The following C10orf90 variants were observed in gnomAD, a reference collection of about 807,000 sequenced individuals.
C10orf90 encodes chromosome 10 open reading frame 90, also known as (E2-independent) E3 ubiquitin-conjugating enzyme FATS.
Under a neutral mutation model 62.5 loss-of-function variants are expected in C10orf90, and 56 were observed. The observed-to-expected ratio is 0.90, with a 90% CI of 0.72 to 1.12. The LOEUF (loss-of-function observed/expected upper bound fraction) is 1.12, where lower values mean the gene tolerates loss of function less well. Among genes scored for constraint, C10orf90 ranks in the 50% most tolerant of loss-of-function variants. C10orf90 has a pLI of 0.00. For synonymous variants in C10orf90, 386 were observed against 340.4 expected (o/e 1.13, Z -1.47); for missense variants, 970 against 880.4 (o/e 1.10, Z -1.29).
chr10:126,470,087 G>A, intron 4 of C10orf90: 1 of 452,134 alleles, frequency 2.2e-6, no homozygotes, highest in African/African-American at 2.0e-5. Context: ...GTTGCATACT[G>A]CAGGGGGGAA....
At chr10:126,561,104 C>A (rs1864890419) in intron 2 of C10orf90, among the ~76,000 whole-genome samples, 2 of 152,134 alleles carry the variant, frequency 1.3e-5, no homozygotes, top group African/African-American at 2.4e-5. Context: ...TTACCACCTG[C>A]TCGCAAAGAG....
At chr10:126,624,070 T>A (rs2804435) in intron 2 of C10orf90, among the ~76,000 whole-genome samples, 8 of 151,822 alleles carry the variant, frequency 5.3e-5, no homozygotes, top group African/African-American at 1.2e-4. Flanking sequence ...AACTGGGGCC[T>A]AGCGCGGTGG....
At chr10:126,449,544 A>T (rs1339153995) in intron 7 of C10orf90, among the ~76,000 whole-genome samples, 2 of 152,170 alleles carry the variant, frequency 1.3e-5, no homozygotes, top group African/African-American at 4.8e-5. Context: ...TATGGCAATT[A>T]TTTAAGAAAA....
chr10:126,464,515 C>T (rs1033653255), intron 5 of C10orf90, among the ~76,000 whole-genome samples, 181 bp downstream of exon 5: 5 of 152,194 alleles, frequency 3.3e-5, no homozygotes, highest in South Asian at 2.1e-4. Context: ...AGGGCTGCCT[C>T]CTGGGTGCTT....
chr10:126,606,820 T>C (rs1021467079), intron 2 of C10orf90, among the ~76,000 whole-genome samples: 2 of 152,188 alleles, frequency 1.3e-5, no homozygotes, highest in African/African-American at 2.4e-5. Context: ...TATTCCTGCA[T>C]TGCTGGACCT....
At chr10:126,574,736 T>A (rs1844575951) in intron 2 of C10orf90, among the ~76,000 whole-genome samples, 1 of 152,116 alleles carries the variant, frequency 6.6e-6, no homozygotes, top group East Asian at 1.9e-4. Context: ...ATGAACTTTT[T>A]AAAAATAAAG....
intron 2 of C10orf90, among the ~76,000 whole-genome samples, chr10:126,616,466 A>T (rs1591147375): frequency 6.6e-6 from 1 of 152,308 alleles, no homozygotes; most frequent in East Asian, 1.9e-4. Context: ...CATTGCTACC[A>T]AATAGCTCCA....
chr10:126,433,618 C>T (rs796379395), intron 7 of C10orf90, among the ~76,000 whole-genome samples: 12 of 152,218 alleles, frequency 7.9e-5, no homozygotes, highest in African/African-American at 2.6e-4. Context: ...CCATCTTCCC[C>T]GGCCTGGCGC....
chr10:126,439,876 G>C (rs1374486690), intron 7 of C10orf90, among the ~76,000 whole-genome samples: 1 of 152,128 alleles, frequency 6.6e-6, no homozygotes, highest in Non-Finnish European at 1.5e-5. Flanking sequence ...AAAATACAGG[G>C]GTAGAGGTAG....
At chr10:126,450,391 C>A (rs148517356) in intron 7 of C10orf90, among the ~76,000 whole-genome samples, 1 of 152,090 alleles carries the variant, frequency 6.6e-6, no homozygotes, top group Admixed American at 6.5e-5. Context: ...ATAGCCCAAG[C>A]GATTGAGAGC....
chr10:126,582,690 T>C (rs745610499), intron 2 of C10orf90, among the ~76,000 whole-genome samples: 37 of 138,738 alleles, frequency 2.7e-4, no homozygotes, highest in Non-Finnish European at 5.0e-4. Flanking sequence ...TGGGTCTCTT[T>C]ATTTTCCTCT....
chr10:126,577,647 T>C (rs1382163350), intron 2 of C10orf90, among the ~76,000 whole-genome samples: 2 of 152,098 alleles, frequency 1.3e-5, no homozygotes, highest in African/African-American at 4.8e-5. Context: ...TCAAGCAGGA[T>C]TTTTTGTCAA....
chr10:126,610,306 C>A (rs1311640812), intron 2 of C10orf90, among the ~76,000 whole-genome samples: 3 of 152,194 alleles, frequency 2.0e-5, no homozygotes. Flanking sequence ...TTCCTACAGG[C>A]AACTCCTCCT....
In C10orf90 at chr10:126,577,344, G is replaced by C. The variant is rs190207340; in HGVS notation, c.314-63405C>G. 1.5e-3 allele frequency among the ~76,000 whole-genome samples: 221 copies of C among 151,758 alleles called. 1 individual carries two copies. The highest frequency in any genetic ancestry group is 5.2e-3 in the African/African-American group (217 of 41,436). On this transcript the variant is annotated intron_variant, in intron 2 of 9. Coordinates refer to ENST00000488181, the MANE Select transcript of C10orf90 (RefSeq NM_001350921.2). ...ATAAGTGAAACTAGCAAGATTTCTG[G>C]ATGTAAAAGACCAGGACACAAAATT... is the stretch of plus-strand genomic sequence containing the variant.
intron 2 of C10orf90, among the ~76,000 whole-genome samples, chr10:126,628,449 T>A (rs964051754): frequency 3.3e-5 from 5 of 151,942 alleles, no homozygotes; most frequent in African/African-American, 9.7e-5. Context: ...ATTTGGGTGA[T>A]TGGATGTTGT....
intron 2 of C10orf90, among the ~76,000 whole-genome samples, chr10:126,608,540 GAAC>G (rs1489951247): frequency 6.6e-6 from 1 of 152,152 alleles, no homozygotes; most frequent in Non-Finnish European, 1.5e-5. Context: ...TAGTATCAAG[GAAC>G]AATATCCACA....
At chr10:126,581,676 C>T (rs1227265367) in intron 2 of C10orf90, among the ~76,000 whole-genome samples, 1 of 152,194 alleles carries the variant, frequency 6.6e-6, no homozygotes, top group Non-Finnish European at 1.5e-5. Context: ...AGACACAGCA[C>T]CCAGGTGTCT....
rs113405837 is a variant in C10orf90, at chr10:126,449,992, C to CAA, written c.2188+9046_2188+9047dup. Reference sequence around the variant, plus strand: ...AGCCTGGGTGACAGAGACGCCATCTCAAAAAAAAAAAAAAAAATCAGTAGC... The same window carrying CAA: ...AGCCTGGGTGACAGAGACGCCATCTCAAAAAAAAAAAAAAAAAAATCAGTAGC... On this transcript the variant is annotated intron_variant, in intron 7 of 9. Coordinates refer to ENST00000488181, the MANE Select transcript of C10orf90 (RefSeq NM_001350921.2). Among the ~76,000 whole-genome samples, 69 of 105,468 alleles carry CAA rather than the reference C, an allele frequency of 6.5e-4. 1 individual carries two copies. The highest frequency in any genetic ancestry group is 2.2e-3 in the African/African-American group (63 of 28,878). The allele number at this position is 105,468 out of a possible 152,430, so 69.2% of individuals were successfully genotyped here. A position where few individuals can be genotyped will look rare whatever the true frequency, so the allele number is the denominator to read the frequency against.
intron 2 of C10orf90, among the ~76,000 whole-genome samples, chr10:126,548,442 C>T (rs1189047900): frequency 6.6e-6 from 1 of 152,170 alleles, no homozygotes; most frequent in Non-Finnish European, 1.5e-5. Context: ...TCTTGGCTCA[C>T]TGCAATCTCC....
Sources: gnomAD v4.1 joint callset for allele counts (sites outside exome capture counted in the v4.1 genomes callset) on GRCh38, gnomAD v4.1.1 for gene constraint, MANE v1.5 for transcripts, NCBI Gene and HGNC (gene_info 2026-07-23, HGNC 2026-07-21) for gene names.